GRIA4: variants seen among roughly 807,000 people sequenced by gnomAD.
The protein encoded by GRIA4 is glutamate ionotropic receptor AMPA type subunit 4.
In GRIA4, 34 loss-of-function variants were observed where a neutral mutation model predicts 104.0. The observed-to-expected ratio is 0.33, with a 90% CI of 0.25 to 0.44. The LOEUF is 0.44. Among genes scored for constraint, GRIA4 ranks in the 20% least tolerant of loss-of-function variants. The pLI is 1.00. For synonymous variants in GRIA4, 386 were observed against 381.9 expected (o/e 1.01, Z -0.13); for missense variants, 750 against 1,096.5 (o/e 0.68, Z 4.46).
chr11:105,832,109 T>C (rs1367532479), intron 4 of GRIA4, among the ~76,000 whole-genome samples: 1 of 151,820 alleles, frequency 6.6e-6, no homozygotes, highest in East Asian at 1.9e-4. Context: ...TAAAACAGGT[T>C]TGGGAAGAAG....
At chr11:105,937,450 T>C (rs923090489) in intron 14 of GRIA4, among the ~76,000 whole-genome samples, 32 of 152,276 alleles carry the variant, frequency 2.1e-4, no homozygotes, top group African/African-American at 7.5e-4. Context: ...TAAAGGTTCT[T>C]TGGAGCGAAT....
At chr11:105,763,995 A>C (rs566255759) in intron 4 of GRIA4, among the ~76,000 whole-genome samples, 121 of 152,372 alleles carry the variant, frequency 7.9e-4, no homozygotes, top group African/African-American at 2.8e-3. Flanking sequence ...TCTATTTGTA[A>C]GAATCTTAAA....
At chr11:105,851,041 A>G (rs765937863) in intron 4 of GRIA4, among the ~76,000 whole-genome samples, 5 of 152,188 alleles carry the variant, frequency 3.3e-5, no homozygotes, top group Admixed American at 6.6e-5. Context: ...CTTCTGTATC[A>G]TCAGTTTCCT....
intron 3 of GRIA4, among the ~76,000 whole-genome samples, chr11:105,682,176 C>CAA: frequency 6.6e-6 from 1 of 152,284 alleles, no homozygotes; most frequent in Middle Eastern, 3.4e-3. Flanking sequence ...AGTTTACACT[C>CAA]AATAAAAATG....
chr11:105,943,649 A>G lies in GRIA4; in HGVS notation c.2294+9680A>G, dbSNP rs1005820020. On this transcript the variant is annotated intron_variant, in intron 14 of 16. Transcript: ENST00000282499. Reference sequence around the variant, plus strand: ...CCTGAAGCATGAAGACTTCACAGCCACTGTAATTTTACCCAATCCAGGCAG... The same window carrying G: ...CCTGAAGCATGAAGACTTCACAGCCGCTGTAATTTTACCCAATCCAGGCAG... Among the ~76,000 whole-genome samples, 20 of 152,102 alleles carry G rather than the reference A, an allele frequency of 1.3e-4. 1 individual carries two copies. Among genetic ancestry groups the G allele is most frequent in the African/African-American group, 3.4e-4 (14 of 41,438 alleles).
At chr11:105,652,312 G>A (rs770532150) in intron 3 of GRIA4, among the ~76,000 whole-genome samples, 1 of 152,144 alleles carries the variant, frequency 6.6e-6, no homozygotes, top group Non-Finnish European at 1.5e-5. Context: ...AGAACATACC[G>A]AGAAAGAATG....
chr11:105,972,517 C>G (rs1858750114), intron 15 of GRIA4, among the ~76,000 whole-genome samples: 3 of 152,188 alleles, frequency 2.0e-5, no homozygotes, highest in Admixed American at 2.0e-4. Context: ...TGAAGAACCT[C>G]CATTATATTT....
chr11:105,721,817 C>A (rs1937841864), intron 3 of GRIA4, among the ~76,000 whole-genome samples: 1 of 152,056 alleles, frequency 6.6e-6, no homozygotes, highest in Non-Finnish European at 1.5e-5. Flanking sequence ...GCTTCCATGG[C>A]CTGTGATTGG....
chr11:105,828,914 A>G (rs1304329554), intron 4 of GRIA4, among the ~76,000 whole-genome samples: 1 of 152,012 alleles, frequency 6.6e-6, no homozygotes. Flanking sequence ...ATTCAGAGAC[A>G]ATTTTCAGCC....
intron 3 of GRIA4, among the ~76,000 whole-genome samples, chr11:105,640,399 A>C (rs1951325459): frequency 6.6e-6 from 1 of 151,934 alleles, no homozygotes; most frequent in African/African-American, 2.4e-5. Flanking sequence ...CGGTTATAAC[A>C]AACAAAACAA....
chr11:105,642,064 A>G (rs1951379282), intron 3 of GRIA4, among the ~76,000 whole-genome samples: 1 of 151,998 alleles, frequency 6.6e-6, no homozygotes, highest in Non-Finnish European at 1.5e-5. Flanking sequence ...TCCTCTTTTT[A>G]TGAGAACACC....
At chr11:105,724,500 G>A (rs1397348285) in intron 3 of GRIA4, among the ~76,000 whole-genome samples, 3 of 151,946 alleles carry the variant, frequency 2.0e-5, no homozygotes, top group Non-Finnish European at 4.4e-5. Context: ...ATGGATGGAA[G>A]TGGAGACCAT....
chr11:105,624,776 G>A (rs919730696), intron 3 of GRIA4, among the ~76,000 whole-genome samples: 1 of 151,900 alleles, frequency 6.6e-6, no homozygotes, highest in Non-Finnish European at 1.5e-5. Flanking sequence ...AAGTCAAAAT[G>A]TTACTTTCTT....
intron 3 of GRIA4, among the ~76,000 whole-genome samples, chr11:105,615,606 C>T (rs772555022): frequency 9.9e-5 from 15 of 151,666 alleles, no homozygotes; most frequent in Non-Finnish European, 1.5e-4. Context: ...TGAAGTATGA[C>T]GGAATGGACA....
chr11:105,722,816 T>C (rs1470571383), intron 3 of GRIA4, among the ~76,000 whole-genome samples: 1 of 152,106 alleles, frequency 6.6e-6, no homozygotes, highest in Non-Finnish European at 1.5e-5. Context: ...AAAATTTAGA[T>C]AAATATTTAA....
chr11:105,724,924 T>G (rs1177879859), intron 3 of GRIA4, among the ~76,000 whole-genome samples: 1 of 152,150 alleles, frequency 6.6e-6, no homozygotes, highest in African/African-American at 2.4e-5. Flanking sequence ...ACCAAAATAA[T>G]GAAGAGGTTG....
intron 4 of GRIA4, among the ~76,000 whole-genome samples, chr11:105,824,178 A>G (rs1943680431): frequency 6.6e-6 from 1 of 152,120 alleles, no homozygotes. Flanking sequence ...TTAGCAGACC[A>G]ATACAGTAGG....
chr11:105,708,885 G>T (rs1953806586), intron 3 of GRIA4, among the ~76,000 whole-genome samples: 1 of 151,924 alleles, frequency 6.6e-6, no homozygotes. Context: ...TTGAATTTTA[G>T]ATGTTGAAGT....
At chr11:105,822,307 A>G (rs1161259270) in intron 4 of GRIA4, among the ~76,000 whole-genome samples, 3 of 152,094 alleles carry the variant, frequency 2.0e-5, no homozygotes, top group African/African-American at 7.2e-5. Context: ...AAGAATGTGA[A>G]GTTTCTTTTA....
Sources: allele counts gnomAD v4.1 joint callset (sites outside exome capture counted in the v4.1 genomes callset), GRCh38; gene constraint gnomAD v4.1.1; transcripts MANE v1.5; gene names NCBI Gene and HGNC (gene_info 2026-07-23, HGNC 2026-07-21).